Variants in ARMCX4 observed in about 807,000 individuals in gnomAD.
The protein encoded by ARMCX4 is armadillo repeat-containing X-linked protein 4.
In ARMCX4, 3 loss-of-function variants were observed where a neutral mutation model predicts 34.7. That is an observed-to-expected ratio of 0.09 (90% CI 0.04 to 0.22). The LOEUF is 0.22. Ranked by LOEUF, ARMCX4 falls within the 10% of genes least tolerant of loss-of-function variation. The probability of loss-of-function intolerance (pLI) is 1.00; values close to 1 mark genes in which losing one functional copy is unlikely to be tolerated. For missense variants in ARMCX4, 1,448 were observed against 1,720.8 expected, an observed-to-expected ratio of 0.84 and a Z score of 2.81; for synonymous variants, 513 against 632.8, an observed-to-expected ratio of 0.81 and a Z score of 2.84.
At chrX:101,455,424 A>AT (rs1173263549) in intron 4 of ARMCX4, among the ~76,000 whole-genome samples, 8 of 111,269 alleles carry the variant, frequency 7.2e-5, no homozygotes, top group Non-Finnish European at 1.3e-4. Flanking sequence ...ATCTATTTGT[A>AT]TTTTTTTTCA....
downstream of ARMCX4, among the ~76,000 whole-genome samples, chrX:101,450,645 C>T (rs187487128): frequency 0.011 from 1,203 of 111,954 alleles, 8 homozygotes; most frequent in Middle Eastern, 0.028. Context: ...AGCAGTTTTT[C>T]ACCATAGCCA....
chrX:101,517,856 A>G (rs1481954663), intron 11 of ARMCX4, among the ~76,000 whole-genome samples: 2 of 111,457 alleles, frequency 1.8e-5, no homozygotes, highest in African/African-American at 6.5e-5. Context: ...GTAAAAAAAA[A>G]CAAACAAAGA....
At chrX:101,455,102 A>T (rs1219883616) in intron 4 of ARMCX4, among the ~76,000 whole-genome samples, 1 of 111,622 alleles carries the variant, frequency 9.0e-6, no homozygotes. Context: ...GGGAAAGAAG[A>T]GATTTGAAGG....
chrX:101,482,933 T>C (rs1349505215), upstream of ARMCX4, among the ~76,000 whole-genome samples: 3 of 87,747 alleles, frequency 3.4e-5, no homozygotes, highest in African/African-American at 1.4e-4. Flanking sequence ...TCTCACTCTG[T>C]CAGCCAGACT....
chrX:101,439,463 G>T (rs1298775276), intron 2 of ARMCX4, among the ~76,000 whole-genome samples: 1 of 111,250 alleles, frequency 9.0e-6, no homozygotes, highest in Admixed American at 9.6e-5. Context: ...TCTTGGAGTT[G>T]CTCTTCTTGA....
chrX:101,489,655 G>A lies in ARMCX4; in HGVS notation c.1066G>A (p.Val356Met). 1 of 1,154,962 alleles carries A rather than the reference G, an allele frequency of 8.7e-7. No homozygotes were observed. Among genetic ancestry groups the A allele is most frequent in the South Asian group, 1.9e-5 (1 of 52,602 alleles). ...AMCKVGAGAD[V>M]RACIQPQTVA... ...GTGTAAGGTGGGGGCAGGGGCAGAT[G>A]TGAGAGCTTGTATACAACCTCAGAC... Residue 356 changes from valine (V) to methionine (M), a missense_variant, in exon 6 of 6, where the codon GTG becomes ATG. Transcript: ENST00000423738.
chrX:101,481,945 T>C (rs1933468374), upstream of ARMCX4, among the ~76,000 whole-genome samples: 1 of 111,509 alleles, frequency 9.0e-6, no homozygotes, highest in African/African-American at 3.3e-5. Context: ...ATGTTAATTA[T>C]GATCCTGGCC....
chrX:101,521,280 A>G (rs1451434002), intron 11 of ARMCX4, among the ~76,000 whole-genome samples: 1 of 111,305 alleles, frequency 9.0e-6, no homozygotes, highest in Non-Finnish European at 1.9e-5. Context: ...TTTCTTCTTT[A>G]GTCAGTTTTG....
intron 2 of ARMCX4, among the ~76,000 whole-genome samples, chrX:101,440,650 T>C (rs376970184): frequency 7.2e-5 from 8 of 111,798 alleles, no homozygotes; most frequent in Middle Eastern, 4.6e-3. Flanking sequence ...CCGCTTTGTT[T>C]ACCTACTCAA....
chrX:101,476,942 GAAA>G (rs1299257222), intron 4 of ARMCX4, among the ~76,000 whole-genome samples: 1 of 109,791 alleles, frequency 9.1e-6, no homozygotes, highest in Non-Finnish European at 1.9e-5. Flanking sequence ...TCTGATCAAA[GAAA>G]AAAGAAGAGA....
At chrX:101,424,215 G>A (rs906788108) in intron 2 of ARMCX4, among the ~76,000 whole-genome samples, 2 of 111,573 alleles carry the variant, frequency 1.8e-5, no homozygotes, top group Non-Finnish European at 3.8e-5. Context: ...TCTGGATAGC[G>A]AACACATGGA....
chrX:101,448,532 C>T (rs936966533), downstream of ARMCX4, among the ~76,000 whole-genome samples: 1 of 111,995 alleles, frequency 8.9e-6, no homozygotes, highest in Non-Finnish European at 1.9e-5. Context: ...TGGTTAAAAG[C>T]CAGTTTAACT....
At chrX:101,421,491 G>A (rs1313657311) in intron 2 of ARMCX4, among the ~76,000 whole-genome samples, 1 of 111,468 alleles carries the variant, frequency 9.0e-6, no homozygotes, top group Non-Finnish European at 1.9e-5. Context: ...TCTTTAGTTT[G>A]TTTTGTGCTG....
intron 4 of ARMCX4, among the ~76,000 whole-genome samples, chrX:101,466,419 C>G (rs955572639): frequency 1.2e-4 from 13 of 111,821 alleles, no homozygotes; most frequent in African/African-American, 3.9e-4. Context: ...TAGGTCCACA[C>G]AAAGACTTGC....
chrX:101,430,338 T>C (rs1440806946), intron 2 of ARMCX4, among the ~76,000 whole-genome samples: 3 of 112,189 alleles, frequency 2.7e-5, no homozygotes, highest in African/African-American at 9.7e-5. Context: ...TGATATTTGT[T>C]GAATGATTGC....
chrX:101,506,362 A>G (rs1340099571), intron 8 of ARMCX4, among the ~76,000 whole-genome samples: 2 of 111,835 alleles, frequency 1.8e-5, no homozygotes, highest in East Asian at 5.6e-4. Flanking sequence ...ACAAAATACC[A>G]CAGACTGGGT....
Position 101,431,834 on chromosome X carries a change from CG to C in ARMCX4, n.165-12217del, listed in dbSNP as rs1930046945. ...CTGGGATTATAGGCGTGAGCCACCACGCCTGGCCTGCACCATGTTTCTTAAA... is the reference window on the plus strand; with the variant it reads ...CTGGGATTATAGGCGTGAGCCACCACCCTGGCCTGCACCATGTTTCTTAAA... On this transcript the variant is annotated intron_variant and non_coding_transcript_variant, in intron 2 of 3. Transcript: ENST00000430461. 6.2e-5 allele frequency among the ~76,000 whole-genome samples: 7 copies of C among 112,569 alleles called. No individual in the cohort carries two copies. In the Admixed American group the frequency reaches 6.6e-4, roughly 11 times the overall value.
At chrX:101,487,782 G>T (rs945099330) in intron 4 of ARMCX4, 91 bp downstream of exon 4, 5 of 384,842 alleles carry the variant, frequency 1.3e-5, no homozygotes, top group Admixed American at 3.9e-5. Flanking sequence ...CAGTCTGGAG[G>T]ATGAGGATCC....
chrX:101,526,245 T>G (rs868944822), intron 11 of ARMCX4, among the ~76,000 whole-genome samples: 13 of 111,693 alleles, frequency 1.2e-4, no homozygotes, highest in African/African-American at 4.2e-4. Flanking sequence ...GCTTCGTAAG[T>G]GAAGGAGAAA....
Sources: gnomAD v4.1 joint callset for allele counts (sites outside exome capture counted in the v4.1 genomes callset) on GRCh38, gnomAD v4.1.1 for gene constraint, MANE v1.5 for transcripts, NCBI Gene and HGNC (gene_info 2026-07-23, HGNC 2026-07-21) for gene names.